TM9SF3: variants seen among roughly 807,000 people sequenced by gnomAD.
TM9SF3 encodes the protein SM-11044-binding protein.
TM9SF3 carries 14 observed loss-of-function variants against 78.6 expected under a neutral mutation model. The observed-to-expected ratio is 0.18, with a 90% CI of 0.12 to 0.28. The LOEUF (loss-of-function observed/expected upper bound fraction) is 0.28. Ranked by LOEUF, TM9SF3 falls within the 10% of genes least tolerant of loss-of-function variation. The pLI is 1.00. For synonymous variants in TM9SF3, 231 were observed against 241.7 expected (o/e 0.96, Z 0.41); for missense variants, 496 against 721.9 (o/e 0.69, Z 3.59).
intron 9 of TM9SF3, among the ~76,000 whole-genome samples, chr10:96,538,388 T>C (rs1351872129): frequency 1.3e-5 from 2 of 152,116 alleles, no homozygotes; most frequent in Non-Finnish European, 2.9e-5. Context: ...TGGCCAAAAA[T>C]GGATCCTAGA....
chr10:96,528,453 TG>T (rs1341957093), intron 11 of TM9SF3, among the ~76,000 whole-genome samples: 1 of 152,078 alleles, frequency 6.6e-6, no homozygotes, highest in African/African-American at 2.4e-5. Context: ...AGAAGTATAA[TG>T]TAGAAAAGAA....
intron 14 of TM9SF3, among the ~76,000 whole-genome samples, chr10:96,524,292 A>T (rs1020741874): frequency 6.6e-6 from 1 of 151,922 alleles, no homozygotes; most frequent in African/African-American, 2.4e-5. Flanking sequence ...TAAAATATTG[A>T]TAATGCATTT....
At chr10:96,569,540 T>C (rs749932604) in intron 2 of TM9SF3, among the ~76,000 whole-genome samples, 2 of 152,232 alleles carry the variant, frequency 1.3e-5, no homozygotes, top group Non-Finnish European at 2.9e-5. Flanking sequence ...ATAAACAGTG[T>C]AATTTTTTCT....
At chr10:96,545,250 C>A (rs922570688) in intron 8 of TM9SF3, among the ~76,000 whole-genome samples, 2 of 152,170 alleles carry the variant, frequency 1.3e-5, no homozygotes, top group Non-Finnish European at 2.9e-5. Context: ...TTCAATTCCA[C>A]AATCATAAGC....
intron 3 of TM9SF3, among the ~76,000 whole-genome samples, chr10:96,562,921 G>A (rs1205516978): frequency 2.6e-5 from 4 of 152,038 alleles, no homozygotes; most frequent in African/African-American, 7.2e-5. Context: ...TTACTCCTTA[G>A]GGCCTTCCCC....
chr10:96,578,776 G>C lies in TM9SF3; in HGVS notation c.103-1947C>G, dbSNP rs145258254. Among the ~76,000 whole-genome samples the C allele has an allele frequency of 1.5e-3, 229 of 152,318 alleles. No individual in the cohort carries two copies. In the Middle Eastern group the frequency reaches 0.024, roughly 16 times the overall value. On this transcript the variant is annotated intron_variant, in intron 1 of 14. Coordinates refer to ENST00000371142, the MANE Select transcript of TM9SF3 (RefSeq NM_020123.4). ...TACCAACTGATGAGAGTTGGTATTA[G>C]AATTAAAACTTGTTCATGGCCGGGT...
intron 3 of TM9SF3, among the ~76,000 whole-genome samples, chr10:96,564,406 T>G (rs1351721055): frequency 6.6e-6 from 1 of 152,220 alleles, no homozygotes; most frequent in African/African-American, 2.4e-5. Context: ...TCAGAGCGGA[T>G]CAGAGAAATG....
intron 5 of TM9SF3, among the ~76,000 whole-genome samples, chr10:96,555,957 T>C (rs1011049322): frequency 6.6e-6 from 1 of 152,174 alleles, no homozygotes; most frequent in African/African-American, 2.4e-5. Context: ...TACTAGTAAC[T>C]ATACTAATTA....
At chr10:96,529,570 C>T (rs1320948515) in intron 11 of TM9SF3, among the ~76,000 whole-genome samples, 2 of 149,762 alleles carry the variant, frequency 1.3e-5, no homozygotes, top group Non-Finnish European at 3.0e-5. Flanking sequence ...GGCTGGAAAA[C>T]ACAGGATCTG....
At chr10:96,583,373 T>A (rs1848596022) in intron 1 of TM9SF3, among the ~76,000 whole-genome samples, 1 of 152,254 alleles carries the variant, frequency 6.6e-6, no homozygotes, top group Non-Finnish European at 1.5e-5. Flanking sequence ...CACGTGCCCA[T>A]GAAGTCAACA....
chr10:96,524,718 ATT>A (rs979134956), intron 14 of TM9SF3, among the ~76,000 whole-genome samples: 1 of 151,770 alleles, frequency 6.6e-6, no homozygotes, highest in African/African-American at 2.4e-5. Flanking sequence ...TAATGTAGTC[ATT>A]TTTTCCTACA....
At position 96,528,192 on chromosome 10, in the gene TM9SF3, TAAAG is replaced by T; in HGVS notation, c.1395-19_1395-16del. The T allele has an allele frequency of 6.2e-7, 1 of 1,604,434 alleles. No individual in the cohort carries two copies. Among genetic ancestry groups the T allele is most frequent in the Non-Finnish European group, 8.5e-7 (1 of 1,174,682 alleles). On this transcript the variant is annotated splice_polypyrimidine_tract_variant and intron_variant, in intron 11 of 14. Coordinates refer to ENST00000371142, the MANE Select transcript of TM9SF3 (RefSeq NM_020123.4). ...AGATGAAATACCTAAGTAAATGCAATAAAGACACAGGTTTCCAGTCTTTATTCTT... is the reference window on the plus strand; with the variant it reads ...AGATGAAATACCTAAGTAAATGCAATACACAGGTTTCCAGTCTTTATTCTT...
At position 96,519,214 on chromosome 10, in the gene TM9SF3, T is replaced by C. The variant is rs548157633; in HGVS notation, c.*3049A>G. On this transcript the variant is annotated 3_prime_UTR_variant, in exon 15 of 15. Coordinates refer to ENST00000371142, the MANE Select transcript of TM9SF3 (RefSeq NM_020123.4). ...AACAAACACTGTACCAAAATGGATA[T>C]GACTTGTGAATAAACCCTAAATAAA... The C allele has an allele frequency of 1.2e-3, 177 of 152,238 alleles. 2 individuals are homozygous for C. The highest frequency in any genetic ancestry group is 4.2e-3 in the African/African-American group (174 of 41,592). 9.4% of individuals were successfully genotyped at this position (152,238 alleles called of 1,614,324 possible).
chr10:96,583,559 AG>A lies in TM9SF3; in HGVS notation c.102+3174del, dbSNP rs147155237. Among the ~76,000 whole-genome samples, 1,205 of 152,322 alleles carry A rather than the reference AG, an allele frequency of 7.9e-3. 20 individuals are homozygous for A. Among genetic ancestry groups the A allele is most frequent in the African/African-American group, 0.028 (1,154 of 41,562 alleles). On this transcript the variant is annotated intron_variant, in intron 1 of 14. Transcript: ENST00000371142. ...GGGAATAGAGCATATGGCGGCTCACAGTGCAGAAGACTATCAACTCAGAATG... is the reference window on the plus strand; with the variant it reads ...GGGAATAGAGCATATGGCGGCTCACATGCAGAAGACTATCAACTCAGAATG...
intron 1 of TM9SF3, among the ~76,000 whole-genome samples, chr10:96,585,007 A>T (rs1238580013): frequency 6.6e-6 from 1 of 152,202 alleles, no homozygotes; most frequent in Non-Finnish European, 1.5e-5. Flanking sequence ...AAAAACTGAA[A>T]TAGTCCTAGC....
chr10:96,530,645 T>C (rs765346479), intron 10 of TM9SF3, 37 bp from the exon 11 acceptor site: 5 of 1,543,334 alleles, frequency 3.2e-6, no homozygotes, highest in Admixed American at 1.8e-5. Context: ...ACTTCTAGTA[T>C]GATTTCCATG....
chr10:96,537,512 G>T (rs1847972783), intron 9 of TM9SF3, among the ~76,000 whole-genome samples: 1 of 152,184 alleles, frequency 6.6e-6, no homozygotes, highest in Non-Finnish European at 1.5e-5. Context: ...ATGCATGACT[G>T]TAACAGCAAT....
intron 14 of TM9SF3, among the ~76,000 whole-genome samples, chr10:96,525,807 G>C (rs74151370): frequency 6.6e-6 from 1 of 151,984 alleles, no homozygotes; most frequent in East Asian, 1.9e-4. Flanking sequence ...GTAATTAAGG[G>C]ACCAGTCTCA....
chr10:96,565,541 T>G, intron 2 of TM9SF3, 115 bp from the exon 3 acceptor site: 1 of 1,171,254 alleles, frequency 8.5e-7, no homozygotes, highest in South Asian at 1.6e-5. Context: ...CTATTCACAA[T>G]AGCTGAATCT....
Sources: gnomAD v4.1 joint callset for allele counts (sites outside exome capture counted in the v4.1 genomes callset) on GRCh38, gnomAD v4.1.1 for gene constraint, MANE v1.5 for transcripts, NCBI Gene and HGNC (gene_info 2026-07-23, HGNC 2026-07-21) for gene names.